IWS1: variants seen among roughly 807,000 people sequenced by gnomAD.
IWS1 encodes interacts with SUPT6H, CTD assembly factor 1, also known as protein IWS1 homolog.
A neutral mutation model predicts 86.7 loss-of-function variants in IWS1; 27 were observed. The observed-to-expected ratio is 0.31, with a 90% confidence interval of 0.23 to 0.43. The LOEUF (loss-of-function observed/expected upper bound fraction) is 0.43, where lower values mean the gene tolerates loss of function less well. IWS1 is among the 20% of genes least tolerant of loss of function. The probability of loss-of-function intolerance (pLI) is 1.00; values close to 1 mark genes in which losing one functional copy is unlikely to be tolerated. For synonymous variants in IWS1, 313 were observed against 335.1 expected (o/e 0.93, Z 0.72); for missense variants, 827 against 1,000.8 (o/e 0.83, Z 2.34).
In IWS1 at chr2:127,499,037, C is replaced by T. The variant is rs1274423728; in HGVS notation, c.1468-800G>A. 6.6e-6 allele frequency among the ~76,000 whole-genome samples: 1 copy of T among 152,024 alleles called. No individual in the cohort carries two copies. Among genetic ancestry groups the T allele is most frequent in the African/African-American group, 2.4e-5 (1 of 41,370 alleles). ...AGTGACAGGAACTGTACAATCCCCA[C>T]ATTTGTACAGTCTGATTTTGTTTAT... On this transcript the variant is annotated intron_variant, in intron 5 of 13. Coordinates refer to ENST00000295321, the MANE Select transcript of IWS1 (RefSeq NM_017969.3). The surrounding 1 kb of genome is among the most constrained non-coding windows in gnomAD (Gnocchi z 4.0).
At chr2:127,502,704 C>T (rs893351768) in intron 5 of IWS1, 111 bp downstream of exon 5, 3 of 558,408 alleles carry the variant, frequency 5.4e-6, no homozygotes, top group Admixed American at 3.0e-5. Flanking sequence ...ATCTTGAATA[C>T]ATCATAATTG....
At chr2:127,514,098 G>T (rs762330063) in intron 2 of IWS1, among the ~76,000 whole-genome samples, 1 of 152,138 alleles carries the variant, frequency 6.6e-6, no homozygotes, top group Admixed American at 6.5e-5. Context: ...CTAATCAAAT[G>T]TTGCCTTTCC....
chr2:127,499,087 TTC>T lies in IWS1; in HGVS notation c.1468-852_1468-851del, dbSNP rs894189444. ...TGCTAATATTTGCCAGGCATAATTT[TTC>T]TTTTTCTTTTTTTTTTTTTGAGACG... On this transcript the variant is annotated intron_variant, in intron 5 of 13. Coordinates refer to ENST00000295321, the MANE Select transcript of IWS1 (RefSeq NM_017969.3). The surrounding 1 kb of genome is among the most constrained non-coding windows in gnomAD (Gnocchi z 4.0). Among the ~76,000 whole-genome samples the T allele has an allele frequency of 2.0e-4, 6 of 29,972 alleles. No individual in the cohort carries two copies. The highest frequency in any genetic ancestry group is 1.9e-3 in the East Asian group (2 of 1,062). 19.7% of individuals were successfully genotyped at this position (29,972 alleles called of 152,430 possible).
At position 127,489,949 on chromosome 2, in the gene IWS1, G is replaced by A; in HGVS notation, c.2048-6C>T. ...TATAGGCCTAGACCACTCATCTGTA[G>A]TAAGAAAAAAATCAATTATTTTGTC... On this transcript the variant is annotated splice_polypyrimidine_tract_variant and splice_region_variant and intron_variant, in intron 10 of 13. Transcript: ENST00000295321. The surrounding 1 kb of genome is among the most constrained non-coding windows in gnomAD (Gnocchi z 4.8). 2 of 1,464,244 alleles carry A rather than the reference G, an allele frequency of 1.4e-6. No individual in the cohort carries two copies. The highest frequency in any genetic ancestry group is 2.3e-5 in the East Asian group (1 of 44,222). The allele number at this position is 1,464,244 out of a possible 1,614,324, so 90.7% of individuals were successfully genotyped here. A position where few individuals can be genotyped will look rare whatever the true frequency, so the allele number is the denominator to read the frequency against.
intron 10 of IWS1, chr2:127,490,709 A>G (rs1690181024): frequency 6.6e-6 from 1 of 152,238 alleles, no homozygotes; most frequent in Non-Finnish European, 1.5e-5. Flanking sequence ...GTAGTAAGTC[A>G]TGGAAACCAG....
At chr2:127,519,247 T>TA (rs1241128151) in intron 2 of IWS1, among the ~76,000 whole-genome samples, 1 of 152,238 alleles carries the variant, frequency 6.6e-6, no homozygotes, top group Non-Finnish European at 1.5e-5. Context: ...GCCCATTACA[T>TA]ACATGTGTTA....
intron 1 of IWS1, among the ~76,000 whole-genome samples, chr2:127,525,809 A>C (rs1692373416): frequency 6.6e-6 from 1 of 152,202 alleles, no homozygotes; most frequent in Non-Finnish European, 1.5e-5. Context: ...AGCAGTGAAA[A>C]GTCTAGGAAG....
intron 2 of IWS1, among the ~76,000 whole-genome samples, chr2:127,509,769 A>C (rs1691347069): frequency 6.6e-6 from 1 of 151,212 alleles, no homozygotes; most frequent in African/African-American, 2.4e-5. Context: ...CTTAGCCATC[A>C]TTCACACTGC....
chr2:127,519,319 ATTAT>A (rs1443709383), intron 2 of IWS1, among the ~76,000 whole-genome samples: 1 of 151,886 alleles, frequency 6.6e-6, no homozygotes, highest in African/African-American at 2.4e-5. Flanking sequence ...CCTGTCTGAG[ATTAT>A]TTATAGACAT....
intron 2 of IWS1, among the ~76,000 whole-genome samples, chr2:127,507,954 C>T (rs1691232354): frequency 6.6e-6 from 1 of 152,120 alleles, no homozygotes; most frequent in Non-Finnish European, 1.5e-5. Context: ...ACATGAATTT[C>T]GTGTTTAGAC....
intron 2 of IWS1, among the ~76,000 whole-genome samples, chr2:127,518,728 G>A (rs1573565809): frequency 6.6e-6 from 1 of 151,954 alleles, no homozygotes; most frequent in African/African-American, 2.4e-5. Flanking sequence ...ACCACGCCTG[G>A]CTAATTTTTT....
intron 4 of IWS1, among the ~76,000 whole-genome samples, 188 bp downstream of exon 4, chr2:127,503,199 T>C (rs921256248): frequency 6.6e-6 from 1 of 152,224 alleles, no homozygotes; most frequent in African/African-American, 2.4e-5. Flanking sequence ...TTTGCTTTCT[T>C]TCACTTAACA....
intron 2 of IWS1, among the ~76,000 whole-genome samples, chr2:127,517,521 A>G (rs956256039): frequency 6.6e-6 from 1 of 152,224 alleles, no homozygotes; most frequent in Admixed American, 6.5e-5. Flanking sequence ...TGGCAATGGG[A>G]TAACTAGACA....
intron 6 of IWS1, among the ~76,000 whole-genome samples, chr2:127,497,287 T>C (rs148105054): frequency 6.6e-6 from 1 of 152,332 alleles, no homozygotes. Flanking sequence ...GAAAGTACAT[T>C]TTAAGTTCCA....
chr2:127,490,020 T>G, intron 10 of IWS1, 77 bp from the exon 11 acceptor site: 1 of 786,802 alleles, frequency 1.3e-6, no homozygotes, highest in African/African-American at 1.7e-5. Context: ...CACCCCAGTG[T>G]GAGGGGATAT....
chr2:127,501,178 A>C (rs1690787530), intron 5 of IWS1, among the ~76,000 whole-genome samples: 2 of 151,970 alleles, frequency 1.3e-5, no homozygotes, highest in African/African-American at 4.8e-5. Flanking sequence ...TATTTCCTTC[A>C]GCTGGTACAC....
chr2:127,500,279 G>A (rs371067906), intron 5 of IWS1, among the ~76,000 whole-genome samples: 3 of 152,250 alleles, frequency 2.0e-5, no homozygotes, highest in African/African-American at 7.2e-5. Flanking sequence ...AGGATTATAC[G>A]TGGATTATAT....
chr2:127,509,152 G>C (rs1032909377), intron 2 of IWS1, among the ~76,000 whole-genome samples: 6 of 152,108 alleles, frequency 3.9e-5, no homozygotes, highest in Non-Finnish European at 8.8e-5. Flanking sequence ...CACCACCACA[G>C]AATTTGGGAC....
chr2:127,503,307 G>T (rs1690914710), intron 4 of IWS1, 80 bp downstream of exon 4: 2 of 1,004,978 alleles, frequency 2.0e-6, no homozygotes, highest in African/African-American at 1.6e-5. Context: ...AATTAGGCAG[G>T]ACATATTGTA....
Sources: allele counts gnomAD v4.1 joint callset (sites outside exome capture counted in the v4.1 genomes callset), GRCh38; gene constraint gnomAD v4.1.1; non-coding constraint Gnocchi (gnomAD v3.1); transcripts MANE v1.5; gene names NCBI Gene and HGNC (gene_info 2026-07-23, HGNC 2026-07-21).